The following BMPR1B variants were observed in gnomAD, a reference collection of about 807,000 sequenced individuals.
BMPR1B encodes bone morphogenetic protein receptor type 1B.
In BMPR1B, 12 loss-of-function variants were observed where a neutral mutation model predicts 59.1. That is an observed-to-expected ratio of 0.20 (90% CI 0.13 to 0.33). The LOEUF is 0.33. Among genes scored for constraint, BMPR1B ranks in the 10% least tolerant of loss-of-function variants. The pLI, the probability that BMPR1B is intolerant of heterozygous loss-of-function variation, is 1.00. For synonymous variants in BMPR1B, 237 were observed against 207.3 expected, an observed-to-expected ratio of 1.14 and a Z score of -1.23; for missense variants, 550 against 610.9, an observed-to-expected ratio of 0.90 and a Z score of 1.05.
intron 3 of BMPR1B, among the ~76,000 whole-genome samples, chr4:95,041,644 A>T (rs1725662190): frequency 6.8e-6 from 1 of 146,970 alleles, no homozygotes; most frequent in Admixed American, 6.8e-5. Context: ...TATTTCTTCT[A>T]GAACAAAAAT....
intron 1 of BMPR1B, among the ~76,000 whole-genome samples, chr4:94,836,779 A>T: frequency 6.8e-6 from 1 of 147,256 alleles, no homozygotes; most frequent in African/African-American, 2.5e-5. Flanking sequence ...CCCATTTGTC[A>T]ATTTTGTCTT....
intron 3 of BMPR1B, among the ~76,000 whole-genome samples, chr4:95,021,956 C>T (rs1724019558): frequency 6.6e-6 from 1 of 152,120 alleles, no homozygotes; most frequent in Non-Finnish European, 1.5e-5. Flanking sequence ...TATGTGTTAC[C>T]TCAAAATAGC....
chr4:94,899,705 G>C (rs1253303802), intron 2 of BMPR1B, among the ~76,000 whole-genome samples: 1 of 151,866 alleles, frequency 6.6e-6, no homozygotes, highest in Non-Finnish European at 1.5e-5. Flanking sequence ...CATTAGAAAC[G>C]TGAAATTTCC....
chr4:95,058,414 T>C (rs1727091384), intron 3 of BMPR1B, among the ~76,000 whole-genome samples: 1 of 152,190 alleles, frequency 6.6e-6, no homozygotes, highest in Non-Finnish European at 1.5e-5. Flanking sequence ...CATAGTCATA[T>C]TGGTGTCTTC....
At chr4:95,014,893 G>C (rs1028702543) in intron 3 of BMPR1B, among the ~76,000 whole-genome samples, 3 of 152,136 alleles carry the variant, frequency 2.0e-5, no homozygotes, top group South Asian at 2.1e-4. Flanking sequence ...ATGTCATCTA[G>C]CAGGGCTATG....
chr4:94,858,000 C>T (rs1182279046), intron 1 of BMPR1B, among the ~76,000 whole-genome samples: 1 of 152,080 alleles, frequency 6.6e-6, no homozygotes, highest in Non-Finnish European at 1.5e-5. Context: ...GGCTGGAGTG[C>T]AGTGGCGCAA....
chr4:95,042,923 C>A (rs1198131821), intron 3 of BMPR1B, among the ~76,000 whole-genome samples: 3 of 151,908 alleles, frequency 2.0e-5, no homozygotes, highest in Non-Finnish European at 4.4e-5. Flanking sequence ...CGCCTGTAAT[C>A]CCAGCACTTT....
At chr4:95,115,810 C>CTGGAAAATCACTA in intron 6 of BMPR1B, 23 bp downstream of exon 6, 1 of 1,572,668 alleles carries the variant, frequency 6.4e-7, no homozygotes, top group African/African-American at 1.4e-5. Flanking sequence ...GGCTTCCAGC[C>CTGGAAAATCACTA]TGGAAAATCA....
At chr4:94,857,892 A>C (rs1287736992) in intron 1 of BMPR1B, among the ~76,000 whole-genome samples, 1 of 152,214 alleles carries the variant, frequency 6.6e-6, no homozygotes, top group Non-Finnish European at 1.5e-5. Flanking sequence ...TTTTTGAAAA[A>C]CATATGTTTA....
intron 2 of BMPR1B, among the ~76,000 whole-genome samples, chr4:94,884,215 G>T (rs749591722): frequency 6.6e-6 from 1 of 152,104 alleles, no homozygotes; most frequent in Non-Finnish European, 1.5e-5. Context: ...ACTGCCTACT[G>T]TTCCAGTTTC....
chr4:94,766,964 G>A (rs965551544), intron 1 of BMPR1B, among the ~76,000 whole-genome samples: 9 of 152,040 alleles, frequency 5.9e-5, no homozygotes, highest in African/African-American at 2.2e-4. Context: ...CTTATTTTAA[G>A]TATTCTCGGA....
chr4:94,880,023 G>A (rs1393176897), intron 2 of BMPR1B, among the ~76,000 whole-genome samples: 1 of 151,922 alleles, frequency 6.6e-6, no homozygotes, highest in African/African-American at 2.4e-5. Context: ...ATATTTTTAT[G>A]GAACATCTTA....
At chr4:95,076,599 G>T (rs76277077) in intron 3 of BMPR1B, among the ~76,000 whole-genome samples, 1 of 152,042 alleles carries the variant, frequency 6.6e-6, no homozygotes, top group Admixed American at 6.6e-5. Flanking sequence ...GGAAATGAAA[G>T]TTCATGGAGG....
intron 2 of BMPR1B, among the ~76,000 whole-genome samples, chr4:94,958,044 G>A (rs538716004): frequency 2.6e-5 from 4 of 152,250 alleles, no homozygotes; most frequent in Admixed American, 6.5e-5. Flanking sequence ...TCCATCCATC[G>A]TTTATCAGCA....
At chr4:94,868,040 T>A (rs1726317211) in intron 1 of BMPR1B, among the ~76,000 whole-genome samples, 1 of 151,376 alleles carries the variant, frequency 6.6e-6, no homozygotes, top group South Asian at 2.1e-4. Context: ...TTTTTGTATT[T>A]TCAGTAGAGA....
chr4:94,801,193 A>C (rs1723394225), intron 1 of BMPR1B, among the ~76,000 whole-genome samples: 1 of 152,038 alleles, frequency 6.6e-6, no homozygotes, highest in African/African-American at 2.4e-5. Flanking sequence ...TCTTCATGGA[A>C]TTCTCCCCGA....
intron 2 of BMPR1B, among the ~76,000 whole-genome samples, chr4:94,888,421 A>G (rs943059972): frequency 2.6e-5 from 4 of 152,130 alleles, no homozygotes; most frequent in Admixed American, 6.6e-5. Flanking sequence ...TGTAGGCAAT[A>G]TTCTACTGTA....
At chr4:95,094,236 A>C (rs1159425450) in intron 3 of BMPR1B, among the ~76,000 whole-genome samples, 1 of 152,116 alleles carries the variant, frequency 6.6e-6, no homozygotes, top group African/African-American at 2.4e-5. Context: ...CAAGAGATGA[A>C]AGAAAATAAG....
chr4:94,942,059 G>A (rs927824294), intron 2 of BMPR1B, among the ~76,000 whole-genome samples: 3 of 152,226 alleles, frequency 2.0e-5, no homozygotes, highest in African/African-American at 7.2e-5. Context: ...AGGCTTACCT[G>A]CATATTGTAA....
Sources: allele counts gnomAD v4.1 joint callset (sites outside exome capture counted in the v4.1 genomes callset), GRCh38; gene constraint gnomAD v4.1.1; transcripts MANE v1.5; gene names NCBI Gene and HGNC (gene_info 2026-07-23, HGNC 2026-07-21).